DNAH11: variants seen among roughly 807,000 people sequenced by gnomAD.
DNAH11 encodes dynein axonemal heavy chain 11.
A neutral mutation model predicts 526.0 loss-of-function variants in DNAH11; 442 were observed. That is an observed-to-expected ratio of 0.84 (90% CI 0.78 to 0.91). The LOEUF is 0.91. Among genes scored for constraint, DNAH11 ranks in the 40% least tolerant of loss-of-function variants. The pLI, the probability that DNAH11 is intolerant of heterozygous loss-of-function variation, is 0.00. For synonymous variants in DNAH11, 2,461 were observed against 1,935.9 expected, an observed-to-expected ratio of 1.27 and a Z score of -7.12; for missense variants, 6,989 against 5,448.7, an observed-to-expected ratio of 1.28 and a Z score of -8.90.
intron 30 of DNAH11, among the ~76,000 whole-genome samples, chr7:21,662,748 T>A (rs1231786946): frequency 6.6e-6 from 1 of 152,100 alleles, no homozygotes; most frequent in African/African-American, 2.4e-5. Flanking sequence ...GACTAATAGC[T>A]CCCCAAACCT....
intron 65 of DNAH11, 110 bp from the exon 66 acceptor site, chr7:21,842,434 C>T: frequency 1.1e-6 from 1 of 892,208 alleles, no homozygotes; most frequent in South Asian, 2.6e-5. Flanking sequence ...TTCTCAATCA[C>T]CTGAGCTTCT....
chr7:21,821,239 G>T (rs1171005828), intron 65 of DNAH11, among the ~76,000 whole-genome samples: 1 of 151,676 alleles, frequency 6.6e-6, no homozygotes, highest in Non-Finnish European at 1.5e-5. Flanking sequence ...GACATGCAAA[G>T]GTTGAGGTAC....
chr7:21,819,488 T>G (rs1451702380), intron 65 of DNAH11, among the ~76,000 whole-genome samples: 1 of 152,208 alleles, frequency 6.6e-6, no homozygotes, highest in Non-Finnish European at 1.5e-5. Flanking sequence ...AACATAAATA[T>G]AATTGTAGCT....
Position 21,683,789 on chromosome 7 carries a change from C to T in DNAH11, c.5466C>T (p.Val1822=). 1 of 1,602,358 alleles carries T rather than the reference C, an allele frequency of 6.2e-7. No individual in the cohort carries two copies. The change falls in exon 32 of 82, where the codon GTC becomes GTT. Residue 1822 remains valine (V), a synonymous_variant. Coordinates refer to ENST00000409508, the MANE Select transcript of DNAH11 (RefSeq NM_001277115.2). ...VVAKLISQKV[V]SPQAFTWLSQ... ...TGATTATGCAATGCCTTTAGGTTGT[C>T]AGTCCCCAAGCTTTTACATGGCTGT... is the stretch of plus-strand genomic sequence containing the variant.
rs569970689 is a variant in DNAH11, at chr7:21,544,431, T to A, written c.352-575T>A. On this transcript the variant is annotated intron_variant, in intron 1 of 81. Transcript: ENST00000409508. The stretch of plus-strand genomic sequence containing the variant: ...TCTTTTGTTTTAGGACTCTCCTAAT[T>A]GTAACTTTAAAAAAAATAAGTTTGT... Among the ~76,000 whole-genome samples the A allele has an allele frequency of 3.9e-5, 6 of 152,328 alleles. No individual in the cohort carries two copies. The East Asian group carries it at 5.8e-4, about 15-fold the overall frequency.
At chr7:21,677,928 T>G (rs11975802) in intron 30 of DNAH11, among the ~76,000 whole-genome samples, 3,415 of 152,314 alleles carry the variant, frequency 0.022, 122 homozygotes, top group African/African-American at 0.078. Context: ...GCCTATTTGT[T>G]GCCGTTGAGT....
chr7:21,584,546 G>C (rs1784421735), intron 9 of DNAH11, among the ~76,000 whole-genome samples: 1 of 152,066 alleles, frequency 6.6e-6, no homozygotes, highest in Non-Finnish European at 1.5e-5. Flanking sequence ...CCTGCACATT[G>C]TGTACATGTA....
chr7:21,875,814 CT>C (rs1412113049), intron 74 of DNAH11, among the ~76,000 whole-genome samples: 2 of 147,284 alleles, frequency 1.4e-5, no homozygotes, highest in Non-Finnish European at 3.0e-5. Flanking sequence ...TGGAAAGCCA[CT>C]TTTATTAATT....
At chr7:21,827,739 A>T (rs1021557130) in intron 65 of DNAH11, among the ~76,000 whole-genome samples, 2 of 152,080 alleles carry the variant, frequency 1.3e-5, no homozygotes, top group African/African-American at 4.8e-5. Flanking sequence ...TGCTAAGATT[A>T]AGAAGAATTG....
intron 9 of DNAH11, among the ~76,000 whole-genome samples, chr7:21,584,974 A>G (rs1784435804): frequency 2.8e-5 from 4 of 143,052 alleles, no homozygotes; most frequent in Admixed American, 2.7e-4. Context: ...TGAAATCTCA[A>G]TTACAGAGGC....
In DNAH11 at chr7:21,591,243, T is replaced by G; in HGVS notation, c.2333T>G (p.Leu778Arg). The change falls in exon 14 of 82, where the codon CTG becomes CGG. Residue 778 changes from leucine to arginine, a missense_variant. Transcript: ENST00000409508. ...TATAATAAACTCAAACAGACGCTCC[T>G]GGAAGTTGAATACCCTCTGATTGAA... ...QGYNKLKQTL[L>R]EVEYPLIEDE... 6.3e-7 allele frequency: 1 copy of G among 1,594,396 alleles called. No individual in the cohort carries two copies. Among genetic ancestry groups the G allele is most frequent in the Non-Finnish European group, 8.5e-7 (1 of 1,169,792 alleles).
chr7:21,723,084 T>C (rs1224482328), intron 44 of DNAH11, among the ~76,000 whole-genome samples: 2 of 152,168 alleles, frequency 1.3e-5, no homozygotes, highest in African/African-American at 4.8e-5. Context: ...GGGCTCTAAC[T>C]ACAGAGCATT....
chr7:21,677,192 G>T (rs1490989097), intron 30 of DNAH11, among the ~76,000 whole-genome samples: 1 of 146,178 alleles, frequency 6.8e-6, no homozygotes, highest in South Asian at 2.1e-4. Flanking sequence ...ACTGTGCTTT[G>T]CAGATACTGC....
chr7:21,625,414 C>G (rs972330462), intron 25 of DNAH11, among the ~76,000 whole-genome samples: 1 of 152,056 alleles, frequency 6.6e-6, no homozygotes, highest in Non-Finnish European at 1.5e-5. Flanking sequence ...CTTAGTCTGG[C>G]TAAAGGTTTG....
chr7:21,815,658 T>A (rs1034593112), intron 63 of DNAH11, among the ~76,000 whole-genome samples: 1 of 152,194 alleles, frequency 6.6e-6, no homozygotes, highest in Non-Finnish European at 1.5e-5. Flanking sequence ...GTTTTCATCC[T>A]GCACATTTTG....
At chr7:21,791,214 C>A (rs1252555215) in intron 61 of DNAH11, among the ~76,000 whole-genome samples, 3 of 152,198 alleles carry the variant, frequency 2.0e-5, no homozygotes, top group Non-Finnish European at 4.4e-5. Context: ...GCTTCAGTTT[C>A]TCATCTGTCA....
At position 21,686,021 on chromosome 7, in the gene DNAH11, C is replaced by G. The variant is rs115707095; in HGVS notation, c.5622-1078C>G. On this transcript the variant is annotated intron_variant, in intron 32 of 81. Coordinates refer to ENST00000409508, the MANE Select transcript of DNAH11 (RefSeq NM_001277115.2). ...CTGGAGAAAATTACAAGGCGAAAAT[C>G]TCTACTACAAAAAGTACTCTGATTC... 3.0e-3 allele frequency among the ~76,000 whole-genome samples: 463 copies of G among 152,316 alleles called. 3 individuals are homozygous for G. Among genetic ancestry groups the G allele is most frequent in the African/African-American group, 0.011 (439 of 41,570 alleles).
At chr7:21,706,980 AG>A (rs1269304104) in intron 39 of DNAH11, among the ~76,000 whole-genome samples, 3 of 152,360 alleles carry the variant, frequency 2.0e-5, no homozygotes, top group East Asian at 1.9e-4. Context: ...TACCAGGATC[AG>A]GGTTTGTCAA....
rs561376419 is a variant in DNAH11 at position 21,617,566 on chromosome 7, T to C, written c.4096-53T>C. The C allele has an allele frequency of 2.9e-5, 46 of 1,587,420 alleles. No individual in the cohort carries two copies. In the African/African-American group the frequency reaches 5.5e-4, roughly 19 times the overall value. ...TATGTCAAAGGAGGCAAATTATTAA[T>C]ATATACTGTGTTATATCTTGGGAGC... On this transcript the variant is annotated intron_variant, in intron 22 of 81. Transcript: ENST00000409508.
Sources: gnomAD v4.1 joint callset for allele counts (sites outside exome capture counted in the v4.1 genomes callset) on GRCh38, gnomAD v4.1.1 for gene constraint, MANE v1.5 for transcripts, NCBI Gene and HGNC (gene_info 2026-07-23, HGNC 2026-07-21) for gene names.